HYDIN: variants seen among roughly 807,000 people sequenced by gnomAD.
HYDIN encodes the protein axonemal central pair apparatus protein HYDIN.
HYDIN carries 132 observed loss-of-function variants against 403.9 expected under a neutral mutation model. The ratio of observed to expected loss-of-function variants is 0.33; its 90% confidence interval spans 0.28 to 0.38. The LOEUF is 0.38. Ranked by LOEUF, HYDIN falls within the 10% of genes least tolerant of loss-of-function variation. The pLI is 1.00. For missense variants in HYDIN, 2,827 were observed against 5,009.5 expected (o/e 0.56, Z 13.15); for synonymous variants, 1,202 against 1,891.7 (o/e 0.64, Z 9.46).
At chr16:71,171,742 G>A (rs1403004286) in intron 5 of HYDIN, among the ~76,000 whole-genome samples, 1 of 152,202 alleles carries the variant, frequency 6.6e-6, no homozygotes, top group Admixed American at 6.5e-5. Context: ...AAAGAAGAAA[G>A]TTAATATCTA....
chr16:71,101,656 A>G (rs2083458494), intron 10 of HYDIN, among the ~76,000 whole-genome samples: 1 of 152,140 alleles, frequency 6.6e-6, no homozygotes, highest in African/African-American at 2.4e-5. Flanking sequence ...CCATTTCACA[A>G]CTAGTGGAGG....
At chr16:70,834,199 G>A in intron 78 of HYDIN, 35 bp from the exon 79 acceptor site, 4 of 1,605,752 alleles carry the variant, frequency 2.5e-6, no homozygotes, top group Non-Finnish European at 3.4e-6. Context: ...AGCAGCTGAG[G>A]GTGGGAGGCC....
chr16:71,024,880 T>C (rs973247916), intron 21 of HYDIN, among the ~76,000 whole-genome samples: 7 of 152,182 alleles, frequency 4.6e-5, no homozygotes, highest in African/African-American at 1.4e-4. Context: ...AGTTTCCTCG[T>C]GTGCATCACA....
At chr16:71,182,271 A>G (rs989453731) in intron 3 of HYDIN, among the ~76,000 whole-genome samples, 8 of 152,152 alleles carry the variant, frequency 5.3e-5, no homozygotes, top group Non-Finnish European at 8.8e-5. Flanking sequence ...GGATGGTTTT[A>G]AACATGGAAG....
chr16:70,979,768 C>T (rs1407336640), intron 29 of HYDIN, among the ~76,000 whole-genome samples: 1 of 152,046 alleles, frequency 6.6e-6, no homozygotes, highest in East Asian at 1.9e-4. Flanking sequence ...CCCGTCTCTA[C>T]AAAAAATTAG....
chr16:71,199,185 C>G (rs2087859551), intron 1 of HYDIN, among the ~76,000 whole-genome samples: 1 of 152,154 alleles, frequency 6.6e-6, no homozygotes, highest in Admixed American at 6.5e-5. Flanking sequence ...ATTAGGTTAT[C>G]TTTTTCTTAC....
At chr16:70,886,900 T>G (rs2143703799) in intron 58 of HYDIN, among the ~76,000 whole-genome samples, 1 of 152,246 alleles carries the variant, frequency 6.6e-6, no homozygotes, top group East Asian at 1.9e-4. Context: ...CCTATTTGGG[T>G]TTGCTCAGAT....
intron 9 of HYDIN, among the ~76,000 whole-genome samples, chr16:71,117,490 C>T (rs992227047): frequency 2.6e-5 from 4 of 152,138 alleles, no homozygotes; most frequent in African/African-American, 4.8e-5. Flanking sequence ...CTACTATGAT[C>T]GATGTTATTT....
At chr16:71,051,981 G>A (rs78962856) in intron 18 of HYDIN, among the ~76,000 whole-genome samples, 5,891 of 111,082 alleles carry the variant, frequency 0.053, no homozygotes, top group African/African-American at 0.092. Flanking sequence ...GATGACAAAG[G>A]AAGTGTAAGA....
Position 70,866,370 on chromosome 16 carries a change from A to C in HYDIN, c.11311-41T>G, listed in dbSNP as rs772768796. On this transcript the variant is annotated intron_variant, in intron 66 of 85. Transcript: ENST00000393567. ...CTGTGTCCTCAGAGATGCAGAGCAC[A>C]GGGACAGAAAAACTGACAATGGAAT... 13 of 831,006 alleles carry C rather than the reference A, an allele frequency of 1.6e-5. No individual in the cohort carries two copies. The East Asian group carries it at 2.7e-4, about 17-fold the overall frequency. 51.5% of individuals were successfully genotyped at this position (831,006 alleles called of 1,614,324 possible). A position where few individuals can be genotyped will look rare whatever the true frequency, so the allele number is the denominator to read the frequency against.
chr16:71,047,265 C>G (rs1195509952), intron 18 of HYDIN, among the ~76,000 whole-genome samples: 2 of 152,006 alleles, frequency 1.3e-5, no homozygotes, highest in Non-Finnish European at 2.9e-5. Context: ...CATATTCAAT[C>G]AGTAGAGCTT....
intron 41 of HYDIN, among the ~76,000 whole-genome samples, chr16:70,945,444 T>C (rs567608573): frequency 1.3e-5 from 2 of 152,328 alleles, no homozygotes; most frequent in South Asian, 2.1e-4. Context: ...ATTGAAAGGA[T>C]ACATGAACCT....
intron 8 of HYDIN, among the ~76,000 whole-genome samples, chr16:71,130,475 T>TTG (rs1276613390): frequency 4.7e-5 from 6 of 128,918 alleles, no homozygotes; most frequent in Admixed American, 7.6e-5. Context: ...TACCGGTTTT[T>TTG]TTTTTTTTTT....
chr16:71,174,713 G>A (rs1052908027), intron 5 of HYDIN, among the ~76,000 whole-genome samples: 2 of 152,104 alleles, frequency 1.3e-5, no homozygotes, highest in Non-Finnish European at 2.9e-5. Flanking sequence ...ACTGAGGAGA[G>A]TGAGATTGGG....
At chr16:70,917,043 C>A (rs1192843406) in intron 47 of HYDIN, among the ~76,000 whole-genome samples, 3 of 152,162 alleles carry the variant, frequency 2.0e-5, no homozygotes, top group Non-Finnish European at 4.4e-5. Flanking sequence ...CCACCTCAGC[C>A]TCCTGAGTAG....
Position 71,020,190 on chromosome 16 carries a change from A to G in HYDIN, c.3314T>C (p.Leu1105Pro), listed in dbSNP as rs1294046847. 8.2e-5 allele frequency: 133 copies of G among 1,613,848 alleles called. No individual in the cohort carries two copies. The highest frequency in any genetic ancestry group is 1.1e-4 in the Non-Finnish European group (133 of 1,179,950). Residue 1105 changes from leucine (L) to proline (P), a missense_variant, in exon 22 of 86, where the codon CTG (leucine) becomes CCG (proline). By Grantham distance (98) the Leu-to-Pro change is moderately conservative (BLOSUM62 -3). Coordinates refer to ENST00000393567, the MANE Select transcript of HYDIN (RefSeq NM_001270974.2). ...TTAAGGTACCTCAGGAGTTGCCGGC[A>G]GCAGGGATTTATCAGTCTCACATAT... ...FFICETDKSL[L>P]PATPEPIKLE...
In HYDIN at chr16:71,027,684, A is replaced by C; in HGVS notation, c.2960T>G (p.Phe987Cys). 1 of 1,599,942 alleles carries C rather than the reference A, an allele frequency of 6.3e-7. No individual in the cohort carries two copies. The highest frequency in any genetic ancestry group is 8.5e-7 in the Non-Finnish European group (1 of 1,172,004). The change falls in exon 20 of 86, where the codon TTT (phenylalanine) becomes TGT (cysteine). Residue 987 changes from phenylalanine to cysteine, a missense_variant. By Grantham distance (205) the Phe-to-Cys change is radical. Coordinates refer to ENST00000393567, the MANE Select transcript of HYDIN (RefSeq NM_001270974.2). ...CTCCATGCTGGCGGGGTGGAGATGA[A>C]ACACGGGGCTCTGTGGATCCCTGGG... ...QEPRDPQSPV[F>C]HLHPASMELY...
At chr16:70,872,625 T>C (rs2040199568) in intron 64 of HYDIN, among the ~76,000 whole-genome samples, 2 of 114,694 alleles carry the variant, frequency 1.7e-5, no homozygotes, top group South Asian at 3.5e-4. Context: ...CACCCACCCA[T>C]CATCCATCCA....
At chr16:70,842,412 G>C (rs1338706451) in intron 75 of HYDIN, among the ~76,000 whole-genome samples, 1 of 151,114 alleles carries the variant, frequency 6.6e-6, no homozygotes, top group Non-Finnish European at 1.5e-5. Context: ...TTGATGGAGT[G>C]ATTCTTTTAT....
Sources: gnomAD v4.1 joint callset for allele counts (sites outside exome capture counted in the v4.1 genomes callset) on GRCh38, gnomAD v4.1.1 for gene constraint, MANE v1.5 for transcripts, NCBI Gene and HGNC (gene_info 2026-07-23, HGNC 2026-07-21) for gene names.